The following POC1B variants were observed in gnomAD, a reference collection of about 807,000 sequenced individuals.
POC1B encodes the protein POC1 centriolar protein B.
In POC1B, 44 loss-of-function variants were observed where a neutral mutation model predicts 60.6. The observed-to-expected ratio is 0.73, with a 90% confidence interval of 0.57 to 0.93. POC1B has a LOEUF of 0.93. Ranked by LOEUF, POC1B falls within the 40% of genes least tolerant of loss-of-function variation. The pLI is 0.00. For missense variants in POC1B, 555 were observed against 572.3 expected (o/e 0.97, Z 0.31); for synonymous variants, 180 against 198.9 (o/e 0.90, Z 0.80).
At chr12:89,458,535 G>C (rs1174471933) in intron 10 of POC1B, among the ~76,000 whole-genome samples, 1 of 152,106 alleles carries the variant, frequency 6.6e-6, no homozygotes, top group East Asian at 1.9e-4. Context: ...AACTCCTAAT[G>C]AGAGATCTAG....
chr12:89,515,592 A>C (rs1374631344), intron 2 of POC1B, among the ~76,000 whole-genome samples: 1 of 152,216 alleles, frequency 6.6e-6, no homozygotes, highest in East Asian at 1.9e-4. Context: ...GAGGTGGTGA[A>C]GAACATTTCA....
intron 2 of POC1B, among the ~76,000 whole-genome samples, chr12:89,518,960 A>G (rs1176539129): frequency 6.6e-6 from 1 of 152,158 alleles, no homozygotes; most frequent in African/African-American, 2.4e-5. Context: ...GTGTCTGGCC[A>G]AGGAGAGACA....
chr12:89,457,031 AC>A (rs1405151391), intron 10 of POC1B, among the ~76,000 whole-genome samples: 2 of 152,196 alleles, frequency 1.3e-5, no homozygotes, highest in Non-Finnish European at 2.9e-5. Context: ...ATCTACAAAA[AC>A]CAAACAAATC....
In POC1B at chr12:89,497,254, T is replaced by G; in HGVS notation, c.189A>C (p.Val63=). ...AYRYVGHKDV[V]TSVQFSPHGN... ...CATGTGGAGAAAACTGCACGCTGGT[T>G]ACAACATCCTTGTGACCCACATATC... Residue 63 remains valine, a synonymous_variant, in exon 3 of 12, where the codon GTA becomes GTC. Transcript: ENST00000313546. The G allele has an allele frequency of 6.2e-7, 1 of 1,613,626 alleles. No homozygotes were observed. The highest frequency in any genetic ancestry group is 1.8e-4 in the Middle Eastern group (1 of 5,612).
chr12:89,434,062 C>G (rs529437342), intron 10 of POC1B, among the ~76,000 whole-genome samples: 1 of 152,328 alleles, frequency 6.6e-6, no homozygotes, highest in African/African-American at 2.4e-5. Flanking sequence ...ACATACTCAT[C>G]TGATCAAGTC....
At chr12:89,424,352 A>C (rs1461925008) in intron 11 of POC1B, among the ~76,000 whole-genome samples, 2 of 152,248 alleles carry the variant, frequency 1.3e-5, no homozygotes, top group Non-Finnish European at 2.9e-5. Flanking sequence ...TCTAATGATT[A>C]TAATGTACAG....
At position 89,420,935 on chromosome 12, in the gene POC1B, A is replaced by G. The variant is rs911562222; in HGVS notation, c.*218T>C. On this transcript the variant is annotated 3_prime_UTR_variant, in exon 12 of 12. Transcript: ENST00000313546. ...CACTTTATTACTGCAATCATAAATG[A>G]TAGTAATTTAAATTAGTCCTTCACA... is the stretch of plus-strand genomic sequence containing the variant. 2 of 415,786 alleles carry G rather than the reference A, an allele frequency of 4.8e-6. No individual in the cohort carries two copies. Among genetic ancestry groups the G allele is most frequent in the African/African-American group, 4.0e-5 (2 of 50,198 alleles). The allele number at this position is 415,786 out of a possible 1,614,324, so 25.8% of individuals were successfully genotyped here. A position where few individuals can be genotyped will look rare whatever the true frequency, so the allele number is the denominator to read the frequency against.
chr12:89,449,144 G>A lies in POC1B; in HGVS notation c.1113+10494C>T, dbSNP rs376598056. 3.3e-5 allele frequency among the ~76,000 whole-genome samples: 5 copies of A among 152,332 alleles called. No individual in the cohort carries two copies. The East Asian group carries it at 9.6e-4, about 29-fold the overall frequency. On this transcript the variant is annotated intron_variant, in intron 10 of 11. Transcript: ENST00000313546. Reference sequence around the variant, plus strand: ...GTGTGTCTAAACATCTGGAAGGCAGGTTGGTGCTGGTGTTCAGTCTGTCCT... The same window carrying A: ...GTGTGTCTAAACATCTGGAAGGCAGATTGGTGCTGGTGTTCAGTCTGTCCT...
intron 10 of POC1B, among the ~76,000 whole-genome samples, chr12:89,442,739 A>G (rs1881583766): frequency 6.6e-6 from 1 of 152,220 alleles, no homozygotes; most frequent in Non-Finnish European, 1.5e-5. Flanking sequence ...GACAGGATCA[A>G]TTCATACATA....
rs370866995 is a variant in POC1B at position 89,441,963 on chromosome 12, C to T, written c.1114-16584G>A. 6.4e-4 allele frequency among the ~76,000 whole-genome samples: 97 copies of T among 152,284 alleles called. 1 individual carries two copies. Among genetic ancestry groups the T allele is most frequent in the African/African-American group, 2.1e-3 (87 of 41,552 alleles). ...CACGGCACGAGAACCATGTGACGCACGCACAAGCTTCAGTAGCTGATTCAA... is the reference window on the plus strand; with the variant it reads ...CACGGCACGAGAACCATGTGACGCATGCACAAGCTTCAGTAGCTGATTCAA... On this transcript the variant is annotated intron_variant, in intron 10 of 11. Coordinates refer to ENST00000313546, the MANE Select transcript of POC1B (RefSeq NM_172240.3).
intron 6 of POC1B, among the ~76,000 whole-genome samples, chr12:89,471,401 GC>G (rs1882886609): frequency 6.6e-6 from 1 of 151,852 alleles, no homozygotes; most frequent in South Asian, 2.1e-4. Flanking sequence ...CTTTAAACCA[GC>G]CCTCACATCA....
At chr12:89,432,426 T>C (rs1235546060) in intron 10 of POC1B, among the ~76,000 whole-genome samples, 4 of 131,146 alleles carry the variant, frequency 3.1e-5, no homozygotes, top group Non-Finnish European at 6.4e-5. Context: ...CTTAACTTAA[T>C]CACATTGGCA....
intron 10 of POC1B, among the ~76,000 whole-genome samples, chr12:89,430,533 T>G (rs1402046541): frequency 6.6e-6 from 1 of 152,184 alleles, no homozygotes; most frequent in African/African-American, 2.4e-5. Flanking sequence ...CTCAACTACG[T>G]GCGAAAGTTC....
rs756887114 is a variant in POC1B, at chr12:89,421,190, TG to T, written c.1399del (p.Gln467SerfsTer14). The part of the protein sequence containing the change: ...EDKLKDCLEN[Q>X]QKLFSAVQQK... Reference sequence around the variant, plus strand: ...TTGGACAGCACTGAAAAGCTTTTGCTGATTTTCAAGGCAGTCTTTCAGCTTA... The same window carrying T: ...TTGGACAGCACTGAAAAGCTTTTGCTATTTTCAAGGCAGTCTTTCAGCTTA... On this transcript the variant is annotated frameshift_variant, in exon 12 of 12. Transcript: ENST00000313546. LOFTEE classifies it high-confidence loss of function. The T allele has an allele frequency of 5.6e-6, 9 of 1,602,474 alleles. No individual in the cohort carries two copies. The highest frequency in any genetic ancestry group is 5.1e-6 in the Non-Finnish European group (6 of 1,171,140).
At chr12:89,512,865 A>G (rs1870253943) in intron 2 of POC1B, among the ~76,000 whole-genome samples, 1 of 152,222 alleles carries the variant, frequency 6.6e-6, no homozygotes, top group African/African-American at 2.4e-5. Context: ...ATAGATGAAA[A>G]GTGAAAAGAG....
chr12:89,524,267 C>A (rs1283286896), intron 2 of POC1B: 1 of 1,613,848 alleles, frequency 6.2e-7, no homozygotes, highest in Non-Finnish European at 8.5e-7. Flanking sequence ...TCAATGAGTT[C>A]TTCTTGCTGC....
chr12:89,412,377 T>C, the POC1B span, among the ~76,000 whole-genome samples: 1 of 151,520 alleles, frequency 6.6e-6, no homozygotes, highest in Non-Finnish European at 1.5e-5. Context: ...TTTTTGTAGT[T>C]TTCAAAAGTT....
At chr12:89,523,114 C>A (rs1436184966) in intron 2 of POC1B, 2 of 1,613,780 alleles carry the variant, frequency 1.2e-6, no homozygotes, top group Non-Finnish European at 1.7e-6. Context: ...GCCTCCTTGA[C>A]CATGGCATCC....
In POC1B at chr12:89,459,696, A is replaced by G. The variant is rs1468022572; in HGVS notation, c.1055T>C (p.Ile352Thr). Residue 352 changes from isoleucine to threonine, a missense_variant, in exon 10 of 12, where the codon ATC (isoleucine) becomes ACC (threonine). Ile to Thr is a moderately conservative substitution (Grantham distance 89). Coordinates refer to ENST00000313546, the MANE Select transcript of POC1B (RefSeq NM_172240.3). ...TVEINPKLEV[I>T]DLQISTPPVM... ...AGGGGGAGTAGAGATCTGCAAATCG[A>G]TTACCTCAAGCTTTGGATTAATCTG... 6.5e-7 allele frequency: 1 copy of G among 1,546,376 alleles called. No homozygotes were observed. Among genetic ancestry groups the G allele is most frequent in the Non-Finnish European group, 8.7e-7 (1 of 1,144,464 alleles).
Sources: allele counts gnomAD v4.1 joint callset (sites outside exome capture counted in the v4.1 genomes callset), GRCh38; gene constraint gnomAD v4.1.1; transcripts MANE v1.5; gene names NCBI Gene and HGNC (gene_info 2026-07-23, HGNC 2026-07-21).